TEKT1: variants seen among roughly 807,000 people sequenced by gnomAD.
The protein encoded by TEKT1 is tektin 1, also known as tektin-1.
TEKT1 carries 32 observed loss-of-function variants against 34.8 expected under a neutral mutation model. The ratio of observed to expected loss-of-function variants is 0.92; its 90% CI spans 0.69 to 1.23. The LOEUF is 1.23. Among genes scored for constraint, TEKT1 ranks in the 50% most tolerant of loss-of-function variants. The probability of loss-of-function intolerance (pLI) is 0.00; values close to 1 mark genes in which losing one functional copy is unlikely to be tolerated. For synonymous variants in TEKT1, 207 were observed against 199.8 expected (o/e 1.04, Z -0.30); for missense variants, 492 against 518.5 (o/e 0.95, Z 0.50).
At chr17:6,830,439 C>T (rs1904545956) in intron 1 of TEKT1, 46 bp from the exon 2 acceptor site, 2 of 1,286,558 alleles carry the variant, frequency 1.6e-6, no homozygotes, top group Non-Finnish European at 2.1e-6. Context: ...GCAATTTGTC[C>T]TTTTTTATGA....
At chr17:6,810,760 T>C (rs1278101001) in intron 6 of TEKT1, among the ~76,000 whole-genome samples, 2 of 152,174 alleles carry the variant, frequency 1.3e-5, no homozygotes, top group African/African-American at 4.8e-5. Context: ...TTTTTTGAGA[T>C]GGAGTTTCGC....
chr17:6,819,402 G>A (rs745508368), intron 2 of TEKT1, 44 bp from the exon 3 acceptor site: 4 of 1,548,950 alleles, frequency 2.6e-6, no homozygotes, highest in Non-Finnish European at 3.5e-6. Context: ...TCTATCCCAA[G>A]GTAGCCAACA....
chr17:6,806,028 C>T (rs572225646), intron 6 of TEKT1, among the ~76,000 whole-genome samples: 91 of 152,176 alleles, frequency 6.0e-4, no homozygotes, highest in African/African-American at 2.1e-3. Flanking sequence ...TCCTTGTTAA[C>T]TTTCTGTCTC....
rs201535860 is a variant in TEKT1, at chr17:6,799,616, GAAAA to G, written c.*407_*410del. 6.5e-6 allele frequency: 1 copy of G among 154,776 alleles called. No homozygotes were observed. Among genetic ancestry groups the G allele is most frequent in the African/African-American group, 2.4e-5 (1 of 41,300 alleles). The allele number at this position is 154,776 out of a possible 1,614,324, so 9.6% of individuals were successfully genotyped here. A position where few individuals can be genotyped will look rare whatever the true frequency, so the allele number is the denominator to read the frequency against. ...CTTTATGTTATTTGAGTATTTAAGAGAAAAAAAACACATTATTTTCTAGAGAAAA... is the reference window on the plus strand; with the variant it reads ...CTTTATGTTATTTGAGTATTTAAGAGAAAACACATTATTTTCTAGAGAAAA... On this transcript the variant is annotated 3_prime_UTR_variant, in exon 8 of 8. Transcript: ENST00000338694.
chr17:6,814,955 T>TTTTTTAAAGTGGTC, intron 5 of TEKT1: 1 of 544,464 alleles, frequency 1.8e-6, no homozygotes, highest in East Asian at 3.1e-5. Flanking sequence ...GGTTTAAAGG[T>TTTTTTAAAGTGGTC]TTTATGTCAG....
chr17:6,812,470 T>C (rs1253296163), intron 6 of TEKT1, among the ~76,000 whole-genome samples: 1 of 152,172 alleles, frequency 6.6e-6, no homozygotes, highest in Admixed American at 6.5e-5. Flanking sequence ...TGAGAGCATG[T>C]AGTCCATTTC....
intron 2 of TEKT1, among the ~76,000 whole-genome samples, chr17:6,822,090 C>T (rs1458435755): frequency 6.6e-6 from 1 of 152,112 alleles, no homozygotes; most frequent in Non-Finnish European, 1.5e-5. Context: ...GACCAAGAGG[C>T]CTAGGAGAAA....
At chr17:6,801,041 G>A in intron 6 of TEKT1, 98 bp from the exon 7 acceptor site, 1 of 1,174,596 alleles carries the variant, frequency 8.5e-7, no homozygotes, top group South Asian at 1.5e-5. Context: ...TAGGAAGAGG[G>A]AACCTCAGAT....
chr17:6,813,063 A>G lies in TEKT1; in HGVS notation c.630-10T>C. ...TTCCAGACTCACGGAGCTGAAACAGACCTCACGCTTTCATTCACAGCATAT... is the reference window on the plus strand; with the variant it reads ...TTCCAGACTCACGGAGCTGAAACAGGCCTCACGCTTTCATTCACAGCATAT... On this transcript the variant is annotated splice_polypyrimidine_tract_variant and intron_variant, in intron 5 of 7. Coordinates refer to ENST00000338694, the MANE Select transcript of TEKT1 (RefSeq NM_053285.2). 6.2e-7 allele frequency: 1 copy of G among 1,609,898 alleles called. No homozygotes were observed. The highest frequency in any genetic ancestry group is 8.5e-7 in the Non-Finnish European group (1 of 1,177,304).
At chr17:6,820,784 G>A (rs1977077180) in intron 2 of TEKT1, among the ~76,000 whole-genome samples, 1 of 152,254 alleles carries the variant, frequency 6.6e-6, no homozygotes, top group South Asian at 2.1e-4. Flanking sequence ...CCGTTTCCTG[G>A]ATTGTATTTC....
chr17:6,810,414 G>A (rs2151584665), intron 6 of TEKT1, among the ~76,000 whole-genome samples: 1 of 152,298 alleles, frequency 6.6e-6, no homozygotes, highest in South Asian at 2.1e-4. Flanking sequence ...ATCCCAGTGT[G>A]TGGTTTGTCT....
intron 2 of TEKT1, among the ~76,000 whole-genome samples, chr17:6,826,857 A>G (rs931894905): frequency 2.5e-4 from 38 of 151,944 alleles, no homozygotes; most frequent in Admixed American, 8.5e-4. Context: ...CACCACGCCC[A>G]GCTAATTTTT....
chr17:6,819,575 C>T (rs879174249), intron 2 of TEKT1, among the ~76,000 whole-genome samples: 1 of 152,216 alleles, frequency 6.6e-6, no homozygotes, highest in Admixed American at 6.5e-5. Flanking sequence ...TATCATTCTA[C>T]ACCCACTAGT....
intron 6 of TEKT1, among the ~76,000 whole-genome samples, chr17:6,802,066 C>A (rs1218604584): frequency 6.6e-6 from 1 of 152,086 alleles, no homozygotes; most frequent in Non-Finnish European, 1.5e-5. Flanking sequence ...AACCACAATA[C>A]CTTTATCACA....
chr17:6,809,193 G>A (rs895037791), intron 6 of TEKT1, among the ~76,000 whole-genome samples: 1 of 151,928 alleles, frequency 6.6e-6, no homozygotes, highest in African/African-American at 2.4e-5. Flanking sequence ...TTTACATTAG[G>A]GTTCACTCTT....
intron 6 of TEKT1, among the ~76,000 whole-genome samples, chr17:6,805,379 C>T (rs1394129981): frequency 2.6e-5 from 4 of 151,988 alleles, no homozygotes; most frequent in East Asian, 3.9e-4. Context: ...ATCTTGCTAG[C>T]GGTCTATCAA....
At position 6,830,162 on chromosome 17, in the gene TEKT1, G is replaced by A. The variant is rs762331649; in HGVS notation, c.190+25C>T. 16 of 1,597,620 alleles carry A rather than the reference G, an allele frequency of 1.0e-5. No individual in the cohort carries two copies. In the East Asian group the frequency reaches 1.1e-4, roughly 11 times the overall value. On this transcript the variant is annotated intron_variant, in intron 2 of 7. Transcript: ENST00000338694. ...AACAGCCTCATCCTAGCATGTTCAC[G>A]AATATGCCAAGCATGTTGTCTTACC...
At chr17:6,829,812 ATGGATAC>A (rs1183475461) in intron 2 of TEKT1, among the ~76,000 whole-genome samples, 1 of 151,928 alleles carries the variant, frequency 6.6e-6, no homozygotes, top group African/African-American at 2.4e-5. Context: ...GGCTGAACCC[ATGGATAC>A]AAAGGGCTGA....
rs200891223 is a variant in TEKT1 at position 6,812,830 on chromosome 17, C to A, written c.852+1G>T. 2 of 1,613,326 alleles carry A rather than the reference C, an allele frequency of 1.2e-6. No individual in the cohort carries two copies. The highest frequency in any genetic ancestry group is 1.3e-5 in the African/African-American group (1 of 75,072). ...TTCCATGCTCCCTCAAGGGACCTCA[C>A]CTTGGCCAGATGATCAGCCAGCTTG... On this transcript the variant is annotated splice_donor_variant, in intron 6 of 7. Coordinates refer to ENST00000338694, the MANE Select transcript of TEKT1 (RefSeq NM_053285.2). LOFTEE classifies it high-confidence loss of function.
Sources: allele counts gnomAD v4.1 joint callset (sites outside exome capture counted in the v4.1 genomes callset), GRCh38; gene constraint gnomAD v4.1.1; transcripts MANE v1.5; gene names NCBI Gene and HGNC (gene_info 2026-07-23, HGNC 2026-07-21).